Variants in NIPSNAP2 observed in about 807,000 individuals in gnomAD.
NIPSNAP2 encodes the protein nipsnap homolog 2.
NIPSNAP2 carries 42 observed loss-of-function variants against 48.4 expected under a neutral mutation model. The ratio of observed to expected loss-of-function variants is 0.87; its 90% CI spans 0.68 to 1.12. The LOEUF is 1.12. NIPSNAP2 is among the 50% of genes most tolerant of loss of function. NIPSNAP2 has a pLI of 0.00. For missense variants in NIPSNAP2, 314 were observed against 347.3 expected, an observed-to-expected ratio of 0.90 and a Z score of 0.76; for synonymous variants, 158 against 126.6, an observed-to-expected ratio of 1.25 and a Z score of -1.67.
chr7:55,983,406 G>A (rs151199978), intron 5 of NIPSNAP2, among the ~76,000 whole-genome samples: 416 of 152,302 alleles, frequency 2.7e-3, no homozygotes, highest in Middle Eastern at 0.017. Flanking sequence ...CTCTTTTGTA[G>A]TCTGCATGCT....
intron 5 of NIPSNAP2, among the ~76,000 whole-genome samples, chr7:55,983,083 G>C (rs983569894): frequency 6.6e-6 from 1 of 152,020 alleles, no homozygotes; most frequent in Admixed American, 6.6e-5. Flanking sequence ...AGACTACACC[G>C]CTGCACTACA....
chr7:55,972,295 C>G (rs943475388), intron 1 of NIPSNAP2, among the ~76,000 whole-genome samples: 3 of 141,404 alleles, frequency 2.1e-5, no homozygotes, highest in Non-Finnish European at 4.7e-5. Flanking sequence ...GGCAACAGAG[C>G]AAGACTCTGT....
chr7:55,992,687 C>T (rs371118969), intron 7 of NIPSNAP2, among the ~76,000 whole-genome samples: 100 of 152,302 alleles, frequency 6.6e-4, no homozygotes, highest in African/African-American at 2.3e-3. Flanking sequence ...TGTTTATATG[C>T]TGCCAGCTCT....
rs763926216 is a variant in NIPSNAP2, at chr7:55,978,262, C to T, written c.229C>T (p.Gln77Ter). 1 of 1,614,000 alleles carries T rather than the reference C, an allele frequency of 6.2e-7. No homozygotes were observed. The highest frequency in any genetic ancestry group is 8.5e-7 in the Non-Finnish European group (1 of 1,180,028). The part of the protein sequence containing the change: ...KKETSNLYKL[Q>*]FHNVKPECLE... ...GGAAACAAGCAATCTATACAAATTA[C>T]AGTGTGAGTGACAGGTTTGCTATCT... Residue 77 changes from glutamine (Q) to a stop codon, truncating the protein, a stop_gained, in exon 2 of 10, where the codon CAG (glutamine) becomes TAG (stop). Coordinates refer to ENST00000322090, the MANE Select transcript of NIPSNAP2 (RefSeq NM_001483.3). LOFTEE classifies it high-confidence loss of function.
chr7:55,991,102 CTT>C (rs1468500330), intron 7 of NIPSNAP2, among the ~76,000 whole-genome samples: 22 of 151,982 alleles, frequency 1.4e-4, no homozygotes, highest in Admixed American at 1.4e-3. Context: ...CAGTTTTTCT[CTT>C]TTTTCGGTTA....
At chr7:55,995,419 AC>A (rs1166003294) in intron 8 of NIPSNAP2, among the ~76,000 whole-genome samples, 1 of 151,548 alleles carries the variant, frequency 6.6e-6, no homozygotes, top group Non-Finnish European at 1.5e-5. Context: ...CATGACATTG[AC>A]CCCCTCACCA....
chr7:55,995,764 C>T (rs1787549944), intron 8 of NIPSNAP2, among the ~76,000 whole-genome samples: 2 of 152,192 alleles, frequency 1.3e-5, no homozygotes, highest in African/African-American at 4.8e-5. Flanking sequence ...GAATGGCAAA[C>T]AGGCAGGCAC....
At chr7:55,965,360 C>G (rs768296710) in intron 1 of NIPSNAP2, among the ~76,000 whole-genome samples, 3 of 151,232 alleles carry the variant, frequency 2.0e-5, no homozygotes, top group Non-Finnish European at 4.4e-5. Context: ...TTTCTAACTT[C>G]AGTGGATTGG....
chr7:55,990,483 G>A (rs189324604), intron 7 of NIPSNAP2, among the ~76,000 whole-genome samples: 23 of 152,068 alleles, frequency 1.5e-4, no homozygotes, highest in Middle Eastern at 3.4e-3. Flanking sequence ...CGCCTGCCTC[G>A]GCCTCCCGAA....
At chr7:55,974,259 A>AAAAAAAAAGAAAG (rs1491146659) in intron 1 of NIPSNAP2, among the ~76,000 whole-genome samples, 1 of 59,380 alleles carries the variant, frequency 1.7e-5, no homozygotes, top group Non-Finnish European at 4.0e-5. Flanking sequence ...TTTTTTAAGC[A>AAAAAAAAAGAAAG]AAAAAAAAGA....
chr7:55,985,881 C>T (rs930608923), intron 7 of NIPSNAP2, among the ~76,000 whole-genome samples: 1 of 151,534 alleles, frequency 6.6e-6, no homozygotes, highest in Non-Finnish European at 1.5e-5. Flanking sequence ...AACCCCATCT[C>T]TACTGAAAAT....
At chr7:55,975,085 G>A (rs1787081979) in intron 1 of NIPSNAP2, among the ~76,000 whole-genome samples, 1 of 152,006 alleles carries the variant, frequency 6.6e-6, no homozygotes, top group Non-Finnish European at 1.5e-5. Context: ...GGGCATGGTG[G>A]CTCATGCTCG....
intron 7 of NIPSNAP2, among the ~76,000 whole-genome samples, chr7:55,987,148 C>G (rs558973637): frequency 6.6e-6 from 1 of 151,888 alleles, no homozygotes; most frequent in South Asian, 2.1e-4. Context: ...GAGACCCTGT[C>G]TCACAAAAAT....
At chr7:55,998,493 G>GTTCT (rs1787614188) in intron 9 of NIPSNAP2, among the ~76,000 whole-genome samples, 1 of 63,188 alleles carries the variant, frequency 1.6e-5, no homozygotes, top group Non-Finnish European at 3.0e-5. Flanking sequence ...GGTAGGATCT[G>GTTCT]TTTTTTTTTT....
rs190431672 is a variant in NIPSNAP2 at position 55,967,961 on chromosome 7, A to G, written c.92+3260A>G. On this transcript the variant is annotated intron_variant, in intron 1 of 9. Transcript: ENST00000322090. The stretch of plus-strand genomic sequence containing the variant: ...CACCACACCCGGCTGCTAATTTTTA[A>G]TTTTTTTGTAGAGAGGGGGGTCTTG... 9.9e-5 allele frequency among the ~76,000 whole-genome samples: 15 copies of G among 151,242 alleles called. No homozygotes were observed. In the East Asian group the frequency reaches 2.9e-3, roughly 30 times the overall value.
intron 7 of NIPSNAP2, among the ~76,000 whole-genome samples, chr7:55,992,473 G>C (rs1232551334): frequency 6.6e-6 from 1 of 152,160 alleles, no homozygotes; most frequent in Non-Finnish European, 1.5e-5. Flanking sequence ...CTGGGTGACA[G>C]AGTGAGTCTC....
At chr7:55,984,955 A>G (rs1787296816) in intron 7 of NIPSNAP2, 77 bp downstream of exon 7, 1 of 1,153,708 alleles carries the variant, frequency 8.7e-7, no homozygotes, top group Non-Finnish European at 1.3e-6. Context: ...ATTCTAGGGA[A>G]AAAAATCTGA....
rs772982475 is a variant in NIPSNAP2, at chr7:55,978,204, A to G, written c.171A>G (p.Arg57=). 4 of 1,614,184 alleles carry G rather than the reference A, an allele frequency of 2.5e-6. No individual in the cohort carries two copies. The highest frequency in any genetic ancestry group is 3.4e-6 in the Non-Finnish European group (4 of 1,180,024). The change falls in exon 2 of 10, where the codon AGA becomes AGG. Residue 57 remains arginine (R), a synonymous_variant. Coordinates refer to ENST00000322090, the MANE Select transcript of NIPSNAP2 (RefSeq NM_001483.3). ...KSLFVRKVDP[R]KDAHSNLLAK... ...TATTTGTCCGGAAAGTTGATCCAAGAAAAGATGCCCACTCCAATCTCCTAG... is the reference window on the plus strand; with the variant it reads ...TATTTGTCCGGAAAGTTGATCCAAGGAAAGATGCCCACTCCAATCTCCTAG...
At chr7:55,985,745 C>CA (rs11290048) in intron 7 of NIPSNAP2, among the ~76,000 whole-genome samples, 2,297 of 89,486 alleles carry the variant, frequency 0.026, 45 homozygotes, top group Middle Eastern at 0.045. Context: ...GACCCTGTCT[C>CA]AAAAAAAAAA....
Sources: allele counts gnomAD v4.1 joint callset (sites outside exome capture counted in the v4.1 genomes callset), GRCh38; gene constraint gnomAD v4.1.1; transcripts MANE v1.5; gene names NCBI Gene and HGNC (gene_info 2026-07-23, HGNC 2026-07-21).